PLCE1: variants seen among roughly 807,000 people sequenced by gnomAD.
PLCE1 encodes the protein phospholipase C epsilon 1.
In PLCE1, 119 loss-of-function variants were observed where a neutral mutation model predicts 242.8. The ratio of observed to expected loss-of-function variants is 0.49; its 90% CI spans 0.42 to 0.57. The LOEUF is 0.57. PLCE1 is among the 20% of genes least tolerant of loss of function. PLCE1 has a pLI of 0.00. For synonymous variants in PLCE1, 945 were observed against 1,017.4 expected (o/e 0.93, Z 1.35); for missense variants, 2,441 against 2,788.8 (o/e 0.88, Z 2.81).
intron 2 of PLCE1, among the ~76,000 whole-genome samples, chr10:94,065,884 G>A (rs537235761): frequency 1.3e-5 from 2 of 152,188 alleles, no homozygotes; most frequent in East Asian, 3.9e-4. Context: ...CAACCTCTCT[G>A]CTTGGGGAAG....
chr10:94,102,361 A>T (rs2045570572), intron 2 of PLCE1, among the ~76,000 whole-genome samples: 1 of 152,224 alleles, frequency 6.6e-6, no homozygotes, highest in Non-Finnish European at 1.5e-5. Context: ...TGTGTTTTCC[A>T]ATCCCAAGCA....
intron 2 of PLCE1, among the ~76,000 whole-genome samples, chr10:94,113,379 C>A (rs536458196): frequency 2.1e-4 from 32 of 151,416 alleles, no homozygotes; most frequent in African/African-American, 2.9e-4. Context: ...CCATTCCTTT[C>A]AAAACTAATA....
intron 24 of PLCE1, among the ~76,000 whole-genome samples, chr10:94,301,038 C>G (rs2053016740): frequency 6.6e-6 from 1 of 151,378 alleles, no homozygotes; most frequent in Non-Finnish European, 1.5e-5. Flanking sequence ...GAGCGAGACA[C>G]TGTCTCAAAA....
intron 2 of PLCE1, among the ~76,000 whole-genome samples, chr10:94,115,254 A>T (rs2046087490): frequency 6.6e-6 from 1 of 152,230 alleles, no homozygotes; most frequent in Non-Finnish European, 1.5e-5. Flanking sequence ...TTATAGCAGC[A>T]TGATTTATAA....
chr10:94,274,959 G>T (rs2051888874), intron 19 of PLCE1, among the ~76,000 whole-genome samples: 1 of 152,078 alleles, frequency 6.6e-6, no homozygotes, highest in South Asian at 2.1e-4. Flanking sequence ...TTCTTCTAGA[G>T]CCCTGTTCAT....
intron 2 of PLCE1, among the ~76,000 whole-genome samples, chr10:94,092,122 A>G (rs1333657623): frequency 3.3e-5 from 5 of 152,222 alleles, no homozygotes; most frequent in Non-Finnish European, 7.3e-5. Flanking sequence ...AGAATTTTAA[A>G]AGCATGAATA....
At chr10:94,057,348 A>C (rs1015656485) in intron 2 of PLCE1, among the ~76,000 whole-genome samples, 1 of 152,104 alleles carries the variant, frequency 6.6e-6, no homozygotes. Context: ...ATTTTCCTTA[A>C]AACGCTCATA....
intron 4 of PLCE1, among the ~76,000 whole-genome samples, chr10:94,178,235 C>T (rs2048185266): frequency 6.6e-6 from 1 of 152,090 alleles, no homozygotes; most frequent in South Asian, 2.1e-4. Context: ...TTTTCTATGT[C>T]CTAAGAGGGC....
chr10:94,126,693 A>G (rs964704163), intron 2 of PLCE1, among the ~76,000 whole-genome samples: 4 of 152,240 alleles, frequency 2.6e-5, no homozygotes, highest in African/African-American at 9.6e-5. Flanking sequence ...CCATCACCAT[A>G]TTAACCTTGA....
At chr10:94,075,928 T>C (rs2044485339) in intron 2 of PLCE1, among the ~76,000 whole-genome samples, 1 of 152,220 alleles carries the variant, frequency 6.6e-6, no homozygotes, top group South Asian at 2.1e-4. Flanking sequence ...AGTACCATGC[T>C]GAATACATGA....
chr10:94,083,828 C>T (rs2044723536), intron 2 of PLCE1, among the ~76,000 whole-genome samples: 1 of 152,186 alleles, frequency 6.6e-6, no homozygotes, highest in Non-Finnish European at 1.5e-5. Flanking sequence ...ATTGCTTCAA[C>T]AGGGGCCTGT....
chr10:94,209,692 G>A (rs2049272734), intron 4 of PLCE1, among the ~76,000 whole-genome samples: 1 of 152,246 alleles, frequency 6.6e-6, no homozygotes. Context: ...AACAGCAAGG[G>A]ATATGTAATA....
At position 94,172,210 on chromosome 10, in the gene PLCE1, G is replaced by A. The variant is rs147312401; in HGVS notation, c.1809+714G>A. ...CTGTGGCCCTGGGATAGGGAGGAGC[G>A]TCAGGAAAGAGCAGGGAGTCTCCAT... On this transcript the variant is annotated intron_variant, in intron 4 of 32. Coordinates refer to ENST00000371380, the MANE Select transcript of PLCE1 (RefSeq NM_016341.4). Among the ~76,000 whole-genome samples the A allele has an allele frequency of 9.8e-5, 15 of 152,292 alleles. No homozygotes were observed. In the East Asian group the frequency reaches 1.5e-3, roughly 16 times the overall value.
At chr10:94,091,449 G>T (rs891452658) in intron 2 of PLCE1, among the ~76,000 whole-genome samples, 20 of 152,136 alleles carry the variant, frequency 1.3e-4, no homozygotes, top group African/African-American at 4.3e-4. Flanking sequence ...AGCTTCTGAG[G>T]CTCTTTGGGG....
chr10:94,153,757 A>G (rs1488395140), intron 3 of PLCE1, among the ~76,000 whole-genome samples: 3 of 151,586 alleles, frequency 2.0e-5, no homozygotes, highest in Non-Finnish European at 2.9e-5. Flanking sequence ...TGAAATCAAG[A>G]AAAAAATCCA....
At chr10:94,162,859 T>C (rs1339428921) in intron 3 of PLCE1, among the ~76,000 whole-genome samples, 1 of 152,216 alleles carries the variant, frequency 6.6e-6, no homozygotes, top group East Asian at 1.9e-4. Context: ...TGTTGTGTCT[T>C]TGTTCTCATT....
At chr10:94,043,146 C>G (rs947727641) in intron 2 of PLCE1, among the ~76,000 whole-genome samples, 1 of 152,186 alleles carries the variant, frequency 6.6e-6, no homozygotes, top group Non-Finnish European at 1.5e-5. Context: ...GCAAGTATAA[C>G]TTTTCTCCTC....
In PLCE1 at chr10:94,032,226, C is replaced by T. The variant is rs761213168; in HGVS notation, c.1180C>T (p.Arg394Cys). 1.1e-4 allele frequency: 181 copies of T among 1,612,986 alleles called. No individual in the cohort carries two copies. In the South Asian group the frequency reaches 1.6e-3, roughly 14 times the overall value. Residue 394 changes from arginine (R) to cysteine (C), a missense_variant, in exon 2 of 33, where the codon CGT becomes TGT. By Grantham distance (180) the Arg-to-Cys change is radical. Transcript: ENST00000371380. ...GGAGATAAGGCAAGATGGGAGCCAACGTCTGTCAGAAGCCCAGTGGTATCC... is the reference window on the plus strand; with the variant it reads ...GGAGATAAGGCAAGATGGGAGCCAATGTCTGTCAGAAGCCCAGTGGTATCC... ...TVEIRQDGSQRLSEAQWYPIY... is the reference protein window; with the variant it reads ...TVEIRQDGSQCLSEAQWYPIY...
intron 2 of PLCE1, chr10:94,109,253 A>T (rs1400942741): frequency 6.6e-6 from 1 of 152,246 alleles, no homozygotes; most frequent in Non-Finnish European, 1.5e-5. Context: ...TAATGAAAAA[A>T]ATATTATTTT....
Sources: gnomAD v4.1 joint callset for allele counts (sites outside exome capture counted in the v4.1 genomes callset) on GRCh38, gnomAD v4.1.1 for gene constraint, MANE v1.5 for transcripts, NCBI Gene and HGNC (gene_info 2026-07-23, HGNC 2026-07-21) for gene names.